ARSG: variants seen among roughly 807,000 people sequenced by gnomAD.
The protein encoded by ARSG is ASG.
Under a neutral mutation model 50.5 loss-of-function variants are expected in ARSG, and 37 were observed. The observed-to-expected ratio is 0.73, with a 90% confidence interval of 0.56 to 0.96. The LOEUF (loss-of-function observed/expected upper bound fraction) is 0.96, where lower values mean the gene tolerates loss of function less well. Ranked by LOEUF, ARSG falls within the 50% of genes least tolerant of loss-of-function variation. The pLI is 0.00. For missense variants in ARSG, 629 were observed against 675.3 expected (o/e 0.93, Z 0.76); for synonymous variants, 225 against 254.6 (o/e 0.88, Z 1.11).
At chr17:68,278,190 G>A (rs782640307) in intron 1 of ARSG, 1 of 1,614,014 alleles carries the variant, frequency 6.2e-7, no homozygotes, top group African/African-American at 1.3e-5. Flanking sequence ...GACACCAAAT[G>A]TCTTGATGAT....
intron 9 of ARSG, among the ~76,000 whole-genome samples, chr17:68,392,458 G>A (rs926150103): frequency 2.0e-5 from 3 of 152,020 alleles, no homozygotes; most frequent in Non-Finnish European, 2.9e-5. Flanking sequence ...TTATATTTCC[G>A]GATGCTCTCA....
chr17:68,331,185 CTTT>C (rs2077728800), intron 2 of ARSG, among the ~76,000 whole-genome samples: 4 of 33,854 alleles, frequency 1.2e-4, no homozygotes, highest in African/African-American at 4.3e-4. Flanking sequence ...GGGTTTCTTT[CTTT>C]CTTTCTTTCT....
chr17:68,280,125 T>C (rs1005928537), intron 1 of ARSG, among the ~76,000 whole-genome samples: 5 of 140,092 alleles, frequency 3.6e-5, no homozygotes, highest in Admixed American at 1.6e-4. Context: ...GAGGTTGCAG[T>C]GAGCTGAGAC....
the ARSG span, among the ~76,000 whole-genome samples, chr17:68,450,462 A>G: frequency 6.6e-6 from 1 of 152,202 alleles, no homozygotes; most frequent in South Asian, 2.1e-4. Flanking sequence ...GCGGTGCCCA[A>G]TCTGTACCCT....
the ARSG span, among the ~76,000 whole-genome samples, chr17:68,438,686 C>T: frequency 2.6e-5 from 4 of 152,206 alleles, no homozygotes; most frequent in Admixed American, 2.0e-4. Flanking sequence ...CTGCAACCTC[C>T]GCCTCTTTGG....
intron 2 of ARSG, among the ~76,000 whole-genome samples, chr17:68,313,868 G>A (rs1228850315): frequency 3.3e-5 from 5 of 151,998 alleles, no homozygotes; most frequent in Middle Eastern, 3.4e-3. Context: ...TAGTAGAGAC[G>A]GAGTTTTGCC....
chr17:68,302,801 T>C (rs1182637523), intron 1 of ARSG, among the ~76,000 whole-genome samples: 1 of 152,202 alleles, frequency 6.6e-6, no homozygotes, highest in Non-Finnish European at 1.5e-5. Flanking sequence ...ATGCTTGTGC[T>C]CAACAAGGAT....
rs2079666760 is a variant in ARSG, at chr17:68,368,625, C to G, written c.782C>G (p.Ala261Gly). The G allele has an allele frequency of 1.2e-6, 2 of 1,614,118 alleles. No homozygotes were observed. The highest frequency in any genetic ancestry group is 2.2e-5 in the South Asian group (2 of 91,088). ...CCCTTACCTGTGACTCAGCTACCAGCAGCGCCACGGGGCAGAAGCCTGTAT... is the reference window on the plus strand; with the variant it reads ...CCCTTACCTGTGACTCAGCTACCAGGAGCGCCACGGGGCAGAAGCCTGTAT... ...HVPLPVTQLP[A>G]APRGRSLYGA... The change falls in exon 7 of 12, where the codon GCA (alanine) becomes GGA (glycine). Residue 261 changes from alanine (A) to glycine (G), a missense_variant. Physicochemically the swap from Ala to Gly is moderately conservative, Grantham distance 60 (BLOSUM62 0). Transcript: ENST00000621439.
At position 68,280,990 on chromosome 17, in the gene ARSG, G is replaced by A. The variant is rs62087132; in HGVS notation, c.-552+21564G>A. 3.7e-3 allele frequency among the ~76,000 whole-genome samples: 563 copies of A among 152,076 alleles called. 3 individuals are homozygous for A. The highest frequency in any genetic ancestry group is 6.6e-3 in the Non-Finnish European group (451 of 67,984). On this transcript the variant is annotated intron_variant, in intron 1 of 11. Transcript: ENST00000448504. ...AAATACGAAAAATTAACTGGGCCTG[G>A]TGGCACACACCTGTAGTCCCAGCTG...
intron 2 of ARSG, among the ~76,000 whole-genome samples, chr17:68,323,281 G>C (rs2077367536): frequency 3.3e-5 from 5 of 152,078 alleles, no homozygotes; most frequent in Admixed American, 3.3e-4. Flanking sequence ...TTGAGTCACT[G>C]CAGACTCTAA....
intron 11 of ARSG, among the ~76,000 whole-genome samples, chr17:68,407,171 G>A (rs1393753861): frequency 6.6e-6 from 1 of 152,182 alleles, no homozygotes; most frequent in Non-Finnish European, 1.5e-5. Flanking sequence ...TCGAAGATCA[G>A]CTGGCTGTAA....
downstream of ARSG, chr17:68,422,831 CAG>C (rs2082895367): frequency 6.7e-6 from 1 of 149,204 alleles, no homozygotes; most frequent in Non-Finnish European, 1.5e-5. Flanking sequence ...TCACAAAATA[CAG>C]AGACTTGTAC....
chr17:68,397,535 A>C (rs188823741), intron 10 of ARSG, among the ~76,000 whole-genome samples: 12 of 152,306 alleles, frequency 7.9e-5, no homozygotes, highest in African/African-American at 2.9e-4. Context: ...TCTCTATCAA[A>C]GCAAAGTCAT....
chr17:68,293,137 A>G (rs1274271985), intron 1 of ARSG, among the ~76,000 whole-genome samples: 1 of 152,234 alleles, frequency 6.6e-6, no homozygotes, highest in African/African-American at 2.4e-5. Flanking sequence ...GGATCCATAT[A>G]TAATGATATT....
chr17:68,343,578 T>A, intron 2 of ARSG, 26 bp from the exon 3 acceptor site: 1 of 1,587,252 alleles, frequency 6.3e-7, no homozygotes, highest in Non-Finnish European at 8.6e-7. Flanking sequence ...GTTGGTGCGG[T>A]CCTGACCACT....
Position 68,342,867 on chromosome 17 carries a change from G to A in ARSG, c.219-737G>A, listed in dbSNP as rs149954354. Among the ~76,000 whole-genome samples, 675 of 152,244 alleles carry A rather than the reference G, an allele frequency of 4.4e-3. 6 individuals are homozygous for A. Among genetic ancestry groups the A allele is most frequent in the African/African-American group, 0.015 (643 of 41,540 alleles). ...GAGAGCTGAAACCAGAAGGGAGAGG[G>A]TCACCTCCTTCAGCCTCCACTGAGA... On this transcript the variant is annotated intron_variant, in intron 2 of 11. Transcript: ENST00000621439.
At chr17:68,451,874 G>A in the ARSG span, among the ~76,000 whole-genome samples, 3 of 152,168 alleles carry the variant, frequency 2.0e-5, no homozygotes, top group African/African-American at 7.2e-5. Context: ...GTATCTTTCT[G>A]AGCACATTCT....
At chr17:68,398,720 A>G (rs567885665) in intron 10 of ARSG, among the ~76,000 whole-genome samples, 6 of 152,332 alleles carry the variant, frequency 3.9e-5, no homozygotes, top group South Asian at 2.1e-4. Flanking sequence ...CATGTGCACA[A>G]TGAGCTCCAG....
intron 2 of ARSG, among the ~76,000 whole-genome samples, chr17:68,316,991 G>A (rs1165937301): frequency 1.3e-5 from 2 of 151,970 alleles, no homozygotes; most frequent in East Asian, 3.9e-4. Context: ...ACACCTAAAG[G>A]TCTCAGTAAC....
Sources: allele counts gnomAD v4.1 joint callset (sites outside exome capture counted in the v4.1 genomes callset), GRCh38; gene constraint gnomAD v4.1.1; transcripts MANE v1.5; gene names NCBI Gene and HGNC (gene_info 2026-07-23, HGNC 2026-07-21).